The following SEMA4D variants were observed in gnomAD, a reference collection of about 807,000 sequenced individuals.
SEMA4D encodes the protein semaphorin 4D.
In SEMA4D, 22 loss-of-function variants were observed where a neutral mutation model predicts 74.8. That is an observed-to-expected ratio of 0.29 (90% CI 0.21 to 0.42). The LOEUF is 0.42. Among genes scored for constraint, SEMA4D ranks in the 10% least tolerant of loss-of-function variants. The pLI is 1.00. For missense variants in SEMA4D, 937 were observed against 1,118.4 expected (o/e 0.84, Z 2.31); for synonymous variants, 445 against 463.7 (o/e 0.96, Z 0.52).
intron 2 of SEMA4D, among the ~76,000 whole-genome samples, chr9:89,454,015 G>A (rs1035278171): frequency 2.0e-5 from 3 of 152,008 alleles, no homozygotes; most frequent in South Asian, 2.1e-4. Flanking sequence ...CCGCCACCAC[G>A]CCTGGCTAAT....
At chr9:89,481,213 G>T (rs992395440) in intron 1 of SEMA4D, among the ~76,000 whole-genome samples, 2 of 152,222 alleles carry the variant, frequency 1.3e-5, no homozygotes, top group Admixed American at 6.5e-5. Flanking sequence ...TGCCCACCTG[G>T]CCTTGGTGAG....
intron 2 of SEMA4D, among the ~76,000 whole-genome samples, chr9:89,415,430 A>G (rs982326789): frequency 2.6e-5 from 4 of 152,090 alleles, no homozygotes; most frequent in Non-Finnish European, 5.9e-5. Context: ...TTCAAAGGTG[A>G]TACTATGGTC....
rs1356103510 is a variant in SEMA4D, at chr9:89,405,581, C to T, written c.-125G>A. 6.7e-7 allele frequency: 1 copy of T among 1,489,708 alleles called. No homozygotes were observed. The highest frequency in any genetic ancestry group is 1.3e-5 in the South Asian group (1 of 76,576). The allele number at this position is 1,489,708 out of a possible 1,614,324, so 92.3% of individuals were successfully genotyped here. A position where few individuals can be genotyped will look rare whatever the true frequency, so the allele number is the denominator to read the frequency against. On this transcript the variant is annotated 5_prime_UTR_variant, in exon 3 of 16. Coordinates refer to ENST00000422704, the MANE Select transcript of SEMA4D (RefSeq NM_001371194.2). ...AGGGCCAGCAGCACAGCCTGGAGCT[C>T]GTGAACAGCGCGGTCCCTGAGAATC...
intron 2 of SEMA4D, among the ~76,000 whole-genome samples, chr9:89,432,504 C>T (rs1206965259): frequency 6.6e-6 from 1 of 152,228 alleles, no homozygotes; most frequent in Non-Finnish European, 1.5e-5. Context: ...GCTCTTCCTC[C>T]TCTGAGTGCC....
chr9:89,363,530 G>A lies in SEMA4D; in HGVS notation c.2093-3C>T, dbSNP rs1389558485. ...CCACCTCTCCTGGTGGGTCACTTCT[G>A]GAAAACAAGCAGGGTCCCCAGGTCA... On this transcript the variant is annotated splice_region_variant and splice_polypyrimidine_tract_variant and intron_variant, in intron 17 of 18. Transcript: ENST00000339861. 2.5e-6 allele frequency: 4 copies of A among 1,613,884 alleles called. No individual in the cohort carries two copies. In the South Asian group the frequency reaches 4.4e-5, roughly 18 times the overall value.
At chr9:89,420,802 G>A (rs1177937665) in intron 2 of SEMA4D, among the ~76,000 whole-genome samples, 2 of 152,204 alleles carry the variant, frequency 1.3e-5, no homozygotes, top group Non-Finnish European at 2.9e-5. Flanking sequence ...GCCTCTCTGG[G>A]CCTCTGTTTC....
chr9:89,387,692 G>A, intron 11 of SEMA4D, 84 bp from the exon 12 acceptor site: 1 of 1,205,506 alleles, frequency 8.3e-7, no homozygotes, highest in Middle Eastern at 2.7e-4. Flanking sequence ...AACGCAGGGG[G>A]GGCTGCAAAA....
At chr9:89,445,419 A>G (rs148186202) in intron 2 of SEMA4D, among the ~76,000 whole-genome samples, 1 of 152,336 alleles carries the variant, frequency 6.6e-6, no homozygotes, top group East Asian at 1.9e-4. Context: ...ACAGTTCTGC[A>G]GGACAGAATT....
intron 1 of SEMA4D, among the ~76,000 whole-genome samples, chr9:89,471,280 G>A (rs575871701): frequency 6.6e-6 from 1 of 152,174 alleles, no homozygotes; most frequent in South Asian, 2.1e-4. Context: ...GGAGATGGAG[G>A]GTGGTGATGG....
Position 89,402,995 on chromosome 9 carries a change from T to C in SEMA4D, c.128A>G (p.His43Arg). The C allele has an allele frequency of 6.2e-7, 1 of 1,611,642 alleles. No individual in the cohort carries two copies. Among genetic ancestry groups the C allele is most frequent in the Non-Finnish European group, 8.5e-7 (1 of 1,177,834 alleles). The change falls in exon 4 of 16, where the codon CAT becomes CGT. Residue 43 changes from histidine to arginine, a missense_variant. Coordinates refer to ENST00000422704, the MANE Select transcript of SEMA4D (RefSeq NM_001371194.2). ...EHREVHLVQFHEPDIYNYSAL... is the reference protein window; with the variant it reads ...EHREVHLVQFREPDIYNYSAL... Reference sequence around the variant, plus strand: ...TGAGTAGTTGTAGATGTCTGGCTCATGAAACTGCACCAGGTGCACCTCTGT... The same window carrying C: ...TGAGTAGTTGTAGATGTCTGGCTCACGAAACTGCACCAGGTGCACCTCTGT...
chr9:89,421,615 T>C (rs1352878805), intron 2 of SEMA4D, among the ~76,000 whole-genome samples: 3 of 152,212 alleles, frequency 2.0e-5, no homozygotes, highest in Non-Finnish European at 2.9e-5. Context: ...TACACACAGA[T>C]ACAGCATAGA....
rs115901729 is a variant in SEMA4D at position 89,424,319 on chromosome 9, A to G, written c.-243-18620T>C. ...CCACACCAAGGTGCGGAAAGGTCCAATCAGAATCCCACAGAAACGAGCAGT... is the reference window on the plus strand; with the variant it reads ...CCACACCAAGGTGCGGAAAGGTCCAGTCAGAATCCCACAGAAACGAGCAGT... On this transcript the variant is annotated intron_variant, in intron 2 of 15. Coordinates refer to ENST00000422704, the MANE Select transcript of SEMA4D (RefSeq NM_001371194.2). Among the ~76,000 whole-genome samples the G allele has an allele frequency of 8.7e-3, 1,328 of 152,332 alleles. 21 individuals carry two copies. The highest frequency in any genetic ancestry group is 0.03 in the African/African-American group (1,238 of 41,566).
At chr9:89,479,354 C>T (rs1374440388) in intron 1 of SEMA4D, among the ~76,000 whole-genome samples, 6 of 152,242 alleles carry the variant, frequency 3.9e-5, no homozygotes, top group East Asian at 1.9e-4. Flanking sequence ...TACAGCTTTT[C>T]GCCCAGCTCA....
chr9:89,466,934 T>C (rs1034249524), intron 1 of SEMA4D, among the ~76,000 whole-genome samples: 2 of 152,220 alleles, frequency 1.3e-5, no homozygotes, highest in Non-Finnish European at 2.9e-5. Flanking sequence ...AGCTCCAGAA[T>C]GCAAGGCCCA....
At chr9:89,414,066 G>A (rs1845152658) in intron 2 of SEMA4D, among the ~76,000 whole-genome samples, 1 of 152,178 alleles carries the variant, frequency 6.6e-6, no homozygotes, top group East Asian at 1.9e-4. Flanking sequence ...CCCGTGTCTC[G>A]GCTCCTTCCT....
chr9:89,363,465 G>T, exon 18 of SEMA4D: 1 of 1,613,874 alleles, frequency 6.2e-7, no homozygotes, highest in Non-Finnish European at 8.5e-7. Flanking sequence ...ATCCGGTCGT[G>T]CTCCCCAGCC....
chr9:89,391,198 AC>A (rs1356235927), intron 9 of SEMA4D, 65 bp downstream of exon 9: 1 of 1,525,872 alleles, frequency 6.6e-7, no homozygotes, highest in African/African-American at 1.4e-5. Flanking sequence ...GTCAGGAGCC[AC>A]CCATCATCCA....
At chr9:89,429,549 A>G (rs1321398386) in intron 2 of SEMA4D, among the ~76,000 whole-genome samples, 1 of 152,220 alleles carries the variant, frequency 6.6e-6, no homozygotes, top group African/African-American at 2.4e-5. Flanking sequence ...AGGTGGGCCA[A>G]AGCAAGTTCC....
chr9:89,386,052 G>A lies in SEMA4D; in HGVS notation c.1446+315C>T, dbSNP rs1049132167. On this transcript the variant is annotated intron_variant, in intron 13 of 15. Transcript: ENST00000422704. ...CAGTCTGCACACCCCCCAAGCTCAGGGCATAAAAAGGTGTCTTCATGGAGC... is the reference window on the plus strand; with the variant it reads ...CAGTCTGCACACCCCCCAAGCTCAGAGCATAAAAAGGTGTCTTCATGGAGC... 4.1e-6 allele frequency: 4 copies of A among 985,346 alleles called. No homozygotes were observed. The South Asian group carries it at 1.4e-4, about 35-fold the overall frequency. 61.0% of individuals were successfully genotyped at this position (985,346 alleles called of 1,614,324 possible).
Sources: allele counts gnomAD v4.1 joint callset (sites outside exome capture counted in the v4.1 genomes callset), GRCh38; gene constraint gnomAD v4.1.1; transcripts MANE v1.5; gene names NCBI Gene and HGNC (gene_info 2026-07-23, HGNC 2026-07-21).